CCDC171: variants seen among roughly 807,000 people sequenced by gnomAD.
CCDC171 encodes the protein coiled-coil domain containing 171, also known as coiled-coil domain-containing protein 171.
In CCDC171, 177 loss-of-function variants were observed where a neutral mutation model predicts 168.2. The observed-to-expected ratio is 1.05, with a 90% CI of 0.93 to 1.19. The LOEUF (loss-of-function observed/expected upper bound fraction) is 1.19, where lower values mean the gene tolerates loss of function less well. CCDC171 is among the 50% of genes most tolerant of loss of function. The pLI is 0.00. For synonymous variants in CCDC171, 687 were observed against 540.8 expected, an observed-to-expected ratio of 1.27 and a Z score of -3.75; for missense variants, 1,991 against 1,539.0, an observed-to-expected ratio of 1.29 and a Z score of -4.91.
chr9:15,618,715 G>C (rs1010307060), intron 6 of CCDC171, among the ~76,000 whole-genome samples: 4 of 152,122 alleles, frequency 2.6e-5, no homozygotes, highest in Admixed American at 6.5e-5. Flanking sequence ...TACTCAGGGC[G>C]GGTAGCACAG....
chr9:15,913,834 G>T lies in CCDC171; in HGVS notation c.3601-6436G>T, dbSNP rs114555749. ...CTTCGGATGGAGTTTTTGCATGCTTGTTCTTTTTGTTGATTTTGATACTGT... is the reference window on the plus strand; with the variant it reads ...CTTCGGATGGAGTTTTTGCATGCTTTTTCTTTTTGTTGATTTTGATACTGT... On this transcript the variant is annotated intron_variant, in intron 24 of 25. Transcript: ENST00000380701. Among the ~76,000 whole-genome samples, 962 of 152,240 alleles carry T rather than the reference G, an allele frequency of 6.3e-3. 6 individuals are homozygous for T. Among genetic ancestry groups the T allele is most frequent in the African/African-American group, 0.022 (910 of 41,542 alleles).
At chr9:16,067,682 GC>G in the CCDC171 span, among the ~76,000 whole-genome samples, 1 of 152,052 alleles carries the variant, frequency 6.6e-6, no homozygotes, top group South Asian at 2.1e-4. Context: ...TCTACATATG[GC>G]TAGCCAGTTT....
At chr9:15,929,129 C>T (rs1451197468) in intron 25 of CCDC171, among the ~76,000 whole-genome samples, 1 of 151,112 alleles carries the variant, frequency 6.6e-6, no homozygotes. Flanking sequence ...AGTTCTATTC[C>T]ACAGTGATGA....
rs183746698 is a variant in CCDC171 at position 15,848,800 on chromosome 9, C to T, written c.3414-93C>T. ...AAAAGGAGAACAGTGATATCAGACCCTTATTTTTTAATACCAGTGACTTAT... is the reference window on the plus strand; with the variant it reads ...AAAAGGAGAACAGTGATATCAGACCTTTATTTTTTAATACCAGTGACTTAT... On this transcript the variant is annotated intron_variant, in intron 22 of 25. Coordinates refer to ENST00000380701, the MANE Select transcript of CCDC171 (RefSeq NM_173550.4). 5.6e-4 allele frequency: 350 copies of T among 626,792 alleles called. 3 individuals are homozygous for T. In the African/African-American group the frequency reaches 5.6e-3, roughly 10 times the overall value. 38.8% of individuals were successfully genotyped at this position (626,792 alleles called of 1,614,324 possible).
intron 7 of CCDC171, among the ~76,000 whole-genome samples, chr9:15,637,195 G>T (rs983397079): frequency 1.3e-5 from 2 of 152,110 alleles, no homozygotes; most frequent in Non-Finnish European, 2.9e-5. Flanking sequence ...GGTGGAGGCT[G>T]CACTGAGCCG....
chr9:15,804,522 G>A (rs2058985376), intron 21 of CCDC171, among the ~76,000 whole-genome samples: 1 of 151,462 alleles, frequency 6.6e-6, no homozygotes, highest in East Asian at 1.9e-4. Flanking sequence ...CTGCTTATGT[G>A]ATGAATCAGA....
At chr9:15,703,417 C>A (rs1478849171) in intron 11 of CCDC171, among the ~76,000 whole-genome samples, 1 of 152,178 alleles carries the variant, frequency 6.6e-6, no homozygotes, top group Admixed American at 6.5e-5. Context: ...TTCATTACCA[C>A]CCCACCACCA....
chr9:15,801,780 A>T (rs1228427891), intron 21 of CCDC171, among the ~76,000 whole-genome samples: 1 of 151,974 alleles, frequency 6.6e-6, no homozygotes, highest in Non-Finnish European at 1.5e-5. Context: ...TATTATGTTG[A>T]TGTATGTTCC....
intron 3 of CCDC171, among the ~76,000 whole-genome samples, chr9:15,989,668 A>T (rs1832120660): frequency 6.6e-6 from 1 of 152,178 alleles, no homozygotes; most frequent in African/African-American, 2.4e-5. Flanking sequence ...CAAAGAAGCT[A>T]AAAACCTTGA....
chr9:15,682,387 A>C (rs955501802), intron 10 of CCDC171, among the ~76,000 whole-genome samples: 1 of 152,010 alleles, frequency 6.6e-6, no homozygotes, highest in Non-Finnish European at 1.5e-5. Flanking sequence ...ATTTTGGAAA[A>C]GTCTAAACTG....
chr9:15,959,703 A>T (rs940968071), intron 25 of CCDC171, among the ~76,000 whole-genome samples: 1 of 152,090 alleles, frequency 6.6e-6, no homozygotes, highest in African/African-American at 2.4e-5. Flanking sequence ...TGGCAGTTGG[A>T]GAAGGACTAG....
chr9:16,090,771 C>G, the CCDC171 span, among the ~76,000 whole-genome samples: 1 of 152,064 alleles, frequency 6.6e-6, no homozygotes, highest in African/African-American at 2.4e-5. Context: ...AGAGTAGGAG[C>G]TATATTCTGA....
At chr9:16,028,959 C>T (rs1248725516) in intron 6 of CCDC171, among the ~76,000 whole-genome samples, 2 of 152,170 alleles carry the variant, frequency 1.3e-5, no homozygotes, top group African/African-American at 2.4e-5. Context: ...CCAGCCTCTG[C>T]CGGTGCCTTT....
At chr9:16,087,436 AG>A in the CCDC171 span, among the ~76,000 whole-genome samples, 9 of 152,018 alleles carry the variant, frequency 5.9e-5, no homozygotes, top group Admixed American at 2.6e-4. Flanking sequence ...AAATATATTT[AG>A]GATAATTAGC....
chr9:15,805,510 C>G (rs181935036), intron 21 of CCDC171, among the ~76,000 whole-genome samples: 1 of 152,274 alleles, frequency 6.6e-6, no homozygotes, highest in East Asian at 1.9e-4. Flanking sequence ...ACCCAAAAAT[C>G]ATTCAGGAGC....
chr9:15,733,000 G>A (rs1224470321), intron 16 of CCDC171, among the ~76,000 whole-genome samples: 1 of 151,984 alleles, frequency 6.6e-6, no homozygotes, highest in East Asian at 1.9e-4. Context: ...TTGAATTTTA[G>A]CCATTATAAT....
intron 25 of CCDC171, among the ~76,000 whole-genome samples, chr9:15,924,440 C>CA (rs34003715): frequency 0.036 from 4,998 of 140,392 alleles, 229 homozygotes; most frequent in African/African-American, 0.097. Context: ...CACACTTAGT[C>CA]AAAAAAAAAA....
chr9:15,913,826 G>T (rs1019325826), intron 24 of CCDC171, among the ~76,000 whole-genome samples: 1 of 152,096 alleles, frequency 6.6e-6, no homozygotes, highest in Admixed American at 6.6e-5. Context: ...TGGAGTTTTT[G>T]CATGCTTGTT....
At chr9:16,041,990 T>C (rs1402546573), upstream of CCDC171, among the ~76,000 whole-genome samples, 31 of 152,258 alleles carry the variant, frequency 2.0e-4, no homozygotes, top group Admixed American at 2.0e-3. Context: ...GCCCGCTTTC[T>C]GAGTCTCATT....
Sources: allele counts gnomAD v4.1 joint callset (sites outside exome capture counted in the v4.1 genomes callset), GRCh38; gene constraint gnomAD v4.1.1; transcripts MANE v1.5; gene names NCBI Gene and HGNC (gene_info 2026-07-23, HGNC 2026-07-21).